Variants in STRN3 observed in about 807,000 individuals in gnomAD.
STRN3 encodes the protein striatin-3.
STRN3 carries 29 observed loss-of-function variants against 95.6 expected under a neutral mutation model. The observed-to-expected ratio is 0.30, with a 90% CI of 0.23 to 0.41. STRN3 has a LOEUF of 0.41. Among genes scored for constraint, STRN3 ranks in the 10% least tolerant of loss-of-function variants. The pLI is 1.00. For missense variants in STRN3, 890 were observed against 972.1 expected, an observed-to-expected ratio of 0.92 and a Z score of 1.12; for synonymous variants, 331 against 357.6, an observed-to-expected ratio of 0.93 and a Z score of 0.84.
At chr14:31,008,217 CA>C (rs1882809779) in intron 1 of STRN3, among the ~76,000 whole-genome samples, 1 of 149,322 alleles carries the variant, frequency 6.7e-6, no homozygotes, top group African/African-American at 2.5e-5. Flanking sequence ...GAAAAGAAAA[CA>C]GAAAAAATTG....
At chr14:30,900,430 G>A (rs1191850957) in intron 16 of STRN3, among the ~76,000 whole-genome samples, 4 of 147,792 alleles carry the variant, frequency 2.7e-5, no homozygotes, top group African/African-American at 9.9e-5. Flanking sequence ...GTAACTCAAC[G>A]GGGGGTGTGG....
chr14:31,026,130 CG>C lies in STRN3; in HGVS notation c.55del (p.Arg19GlyfsTer92). ...GGGPGMAAPP[R>X]QQQGPGGNLG... ...GTTCCCCCCAGGTCCCTGCTGCTGC[CG>C]GGGAGGGGCCGCCATCCCCGGGCCG... On this transcript the variant is annotated frameshift_variant, in exon 1 of 18. Coordinates refer to ENST00000357479, the MANE Select transcript of STRN3 (RefSeq NM_001083893.2). LOFTEE classifies it high-confidence loss of function. The C allele has an allele frequency of 1.3e-6, 2 of 1,497,432 alleles. No homozygotes were observed. Among genetic ancestry groups the C allele is most frequent in the South Asian group, 1.3e-5 (1 of 79,502 alleles). The allele number at this position is 1,497,432 out of a possible 1,614,324, so 92.8% of individuals were successfully genotyped here.
At chr14:30,920,801 C>T (rs375682566) in intron 8 of STRN3, among the ~76,000 whole-genome samples, 46 of 152,174 alleles carry the variant, frequency 3.0e-4, no homozygotes, top group African/African-American at 1.1e-3. Context: ...TCTCCCTTCA[C>T]TCAGAAACCA....
chr14:30,996,784 T>G (rs1017541948), intron 1 of STRN3, among the ~76,000 whole-genome samples: 12 of 151,932 alleles, frequency 7.9e-5, no homozygotes, highest in African/African-American at 2.9e-4. Flanking sequence ...GAGAATCGCT[T>G]GAACCCAGGA....
intron 15 of STRN3, 107 bp from the exon 16 acceptor site, chr14:30,902,750 C>G (rs1388895854): frequency 8.1e-6 from 6 of 743,710 alleles, no homozygotes; most frequent in Non-Finnish European, 1.1e-5. Flanking sequence ...AAAACTAAAC[C>G]TTTTGCATAA....
In STRN3 at chr14:30,895,295, A is replaced by G; in HGVS notation, c.*116T>C. 1 of 1,042,334 alleles carries G rather than the reference A, an allele frequency of 9.6e-7. No homozygotes were observed. The highest frequency in any genetic ancestry group is 1.3e-6 in the Non-Finnish European group (1 of 748,982). 64.6% of individuals were successfully genotyped at this position (1,042,334 alleles called of 1,614,324 possible). A position where few individuals can be genotyped will look rare whatever the true frequency, so the allele number is the denominator to read the frequency against. ...TTCCACCAATTTGTGCCTGCCCCAG[A>G]TAGCCTTCACCAGGCAGATCACATG... is the stretch of plus-strand genomic sequence containing the variant. On this transcript the variant is annotated 3_prime_UTR_variant, in exon 18 of 18. Transcript: ENST00000357479.
intron 1 of STRN3, among the ~76,000 whole-genome samples, chr14:31,023,624 T>C (rs1167297103): frequency 3.3e-5 from 5 of 152,142 alleles, no homozygotes; most frequent in Admixed American, 2.6e-4. Context: ...ATGTAAGTTG[T>C]CTTATTTCTA....
chr14:30,985,982 T>G (rs551029620), intron 1 of STRN3, among the ~76,000 whole-genome samples: 1 of 152,268 alleles, frequency 6.6e-6, no homozygotes, highest in South Asian at 2.1e-4. Flanking sequence ...GTGCATGCGC[T>G]TTCTCTCTCT....
At chr14:30,955,046 G>C (rs972090563) in intron 3 of STRN3, among the ~76,000 whole-genome samples, 8 of 152,020 alleles carry the variant, frequency 5.3e-5, no homozygotes, top group Non-Finnish European at 1.0e-4. Flanking sequence ...TTCTGTTCCT[G>C]ATTTTTGCTT....
At chr14:30,961,173 T>C (rs916965869) in intron 1 of STRN3, among the ~76,000 whole-genome samples, 2 of 152,122 alleles carry the variant, frequency 1.3e-5, no homozygotes, top group Admixed American at 6.6e-5. Flanking sequence ...GCCCTAAAAC[T>C]AAAAATGTTT....
At chr14:31,016,255 C>T (rs192346573) in intron 1 of STRN3, among the ~76,000 whole-genome samples, 3 of 152,288 alleles carry the variant, frequency 2.0e-5, no homozygotes, top group East Asian at 3.9e-4. Context: ...AAAACCTGCA[C>T]ATGGATGTTT....
At chr14:30,942,212 G>GT (rs930089271) in intron 5 of STRN3, among the ~76,000 whole-genome samples, 57 of 151,706 alleles carry the variant, frequency 3.8e-4, no homozygotes, top group African/African-American at 1.2e-3. Context: ...GTATGTCATT[G>GT]TTTTTTTTGT....
At chr14:30,913,256 T>C (rs1373803129) in intron 10 of STRN3, among the ~76,000 whole-genome samples, 2 of 152,242 alleles carry the variant, frequency 1.3e-5, no homozygotes, top group African/African-American at 2.4e-5. Context: ...TTTGAGATAA[T>C]TGAGAGTTGA....
In STRN3 at chr14:31,004,244, A is replaced by C. The variant is rs910861204; in HGVS notation, c.282+21660T>G. Among the ~76,000 whole-genome samples the C allele has an allele frequency of 7.6e-4, 115 of 151,880 alleles. 5 individuals are homozygous for C. Among genetic ancestry groups the C allele is most frequent in the Non-Finnish European group, 1.5e-5 (1 of 67,980 alleles). ...TGAGGATGCAGTGAACCATGATCAC[A>C]CTGCCACACTCCAGTCCAGCCTAGG... On this transcript the variant is annotated intron_variant, in intron 1 of 17. Transcript: ENST00000357479.
chr14:30,899,770 G>C (rs1433726715), intron 16 of STRN3, among the ~76,000 whole-genome samples: 1 of 147,420 alleles, frequency 6.8e-6, no homozygotes, highest in Non-Finnish European at 1.5e-5. Flanking sequence ...ATTTCCTCTA[G>C]ACAACAAGCC....
intron 5 of STRN3, among the ~76,000 whole-genome samples, chr14:30,942,762 A>G (rs1044289969): frequency 2.0e-5 from 3 of 152,200 alleles, no homozygotes; most frequent in African/African-American, 7.2e-5. Context: ...ACTCGATAGC[A>G]TCTAATAAAC....
chr14:30,958,244 G>A (rs576018232), intron 1 of STRN3, among the ~76,000 whole-genome samples: 3 of 152,278 alleles, frequency 2.0e-5, no homozygotes, highest in South Asian at 4.2e-4. Flanking sequence ...GCCCAGGAGT[G>A]AGGCTAGAGT....
intron 8 of STRN3, among the ~76,000 whole-genome samples, chr14:30,920,063 G>A (rs1019061284): frequency 1.7e-4 from 26 of 152,054 alleles, no homozygotes; most frequent in African/African-American, 5.8e-4. Context: ...CAACATTAAT[G>A]GAAGAATCCG....
Position 30,895,699 on chromosome 14 carries a change from T to A in STRN3, c.2187A>T (p.Leu729=), listed in dbSNP as rs1183325322. 6.2e-7 allele frequency: 1 copy of A among 1,613,982 alleles called. No individual in the cohort carries two copies. Among genetic ancestry groups the A allele is most frequent in the East Asian group, 2.2e-5 (1 of 44,888 alleles). The change falls in exon 17 of 18, where the codon CTA becomes CTT. Residue 729 remains leucine (L), a synonymous_variant. Coordinates refer to ENST00000357479, the MANE Select transcript of STRN3 (RefSeq NM_001083893.2). ...MVAHLDAVTS[L]AVDPNGIYLM... is the part of the protein sequence containing the mutation. ...AATAGATTCCATTAGGATCTACTGC[T>A]AGACTTGTAACAGCATCCAAGTGAG...
Sources: allele counts gnomAD v4.1 joint callset (sites outside exome capture counted in the v4.1 genomes callset), GRCh38; gene constraint gnomAD v4.1.1; transcripts MANE v1.5; gene names NCBI Gene and HGNC (gene_info 2026-07-23, HGNC 2026-07-21).